FNIP1: variants seen among roughly 807,000 people sequenced by gnomAD.
The protein encoded by FNIP1 is folliculin-interacting protein 1.
A neutral mutation model predicts 124.5 loss-of-function variants in FNIP1; 40 were observed. The ratio of observed to expected loss-of-function variants is 0.32; its 90% confidence interval spans 0.25 to 0.42. The LOEUF (loss-of-function observed/expected upper bound fraction) is 0.42, where lower values mean the gene tolerates loss of function less well. Among genes scored for constraint, FNIP1 ranks in the 10% least tolerant of loss-of-function variants. The pLI is 1.00. For synonymous variants in FNIP1, 472 were observed against 470.6 expected (o/e 1.00, Z -0.04); for missense variants, 1,176 against 1,403.7 (o/e 0.84, Z 2.59).
In FNIP1 at chr5:131,643,908, G is replaced by C. The variant is rs1766790147; in HGVS notation, c.*777C>G. On this transcript the variant is annotated 3_prime_UTR_variant, in exon 18 of 18. Transcript: ENST00000510461. ...AACAGTTCATACTTATAAACAAATG[G>C]TATAAAGTAGTATTCTCATTTTGGG... 1 of 152,206 alleles carries C rather than the reference G, an allele frequency of 6.6e-6. No homozygotes were observed. Among genetic ancestry groups the C allele is most frequent in the Admixed American group, 6.6e-5 (1 of 15,234 alleles). The allele number at this position is 152,206 out of a possible 1,614,324, so 9.4% of individuals were successfully genotyped here. A position where few individuals can be genotyped will look rare whatever the true frequency, so the allele number is the denominator to read the frequency against.
chr5:131,649,523 T>A (rs1241302480), intron 16 of FNIP1, among the ~76,000 whole-genome samples: 3 of 152,160 alleles, frequency 2.0e-5, no homozygotes, highest in African/African-American at 7.2e-5. Context: ...TCCTGTTGAG[T>A]TGTAGGAGTT....
At chr5:131,657,414 A>T (rs1038435410) in intron 15 of FNIP1, among the ~76,000 whole-genome samples, 1 of 152,114 alleles carries the variant, frequency 6.6e-6, no homozygotes, top group Non-Finnish European at 1.5e-5. Flanking sequence ...TGAGTTTAAC[A>T]CTGCAAGTGT....
intron 3 of FNIP1, among the ~76,000 whole-genome samples, chr5:131,723,873 C>T (rs1046402982): frequency 6.6e-6 from 1 of 151,780 alleles, no homozygotes; most frequent in Non-Finnish European, 1.5e-5. Context: ...CCCCCACCCC[C>T]CAATAGGTCC....
chr5:131,769,329 T>C (rs1771548598), intron 1 of FNIP1, among the ~76,000 whole-genome samples: 5 of 152,208 alleles, frequency 3.3e-5, no homozygotes, highest in African/African-American at 1.2e-4. Flanking sequence ...GTATCTAAAA[T>C]CTTGGCATTT....
intron 15 of FNIP1, 55 bp from the exon 16 acceptor site, chr5:131,652,054 A>G: frequency 2.0e-6 from 3 of 1,528,850 alleles, no homozygotes; most frequent in Non-Finnish European, 2.7e-6. Flanking sequence ...TTCCAAAGAT[A>G]ATGGTAATTC....
rs147623863 is a variant in FNIP1, at chr5:131,660,748, T to C, written c.3109-8749A>G. Among the ~76,000 whole-genome samples the C allele has an allele frequency of 3.6e-3, 543 of 152,260 alleles. 4 individuals carry two copies. The highest frequency in any genetic ancestry group is 0.013 in the African/African-American group (525 of 41,534). The stretch of plus-strand genomic sequence containing the variant: ...GAAGAACCCCTGGGCAGTTACAAAT[T>C]TGGGGGCTCATCTGGGATCACCCTT... On this transcript the variant is annotated intron_variant, in intron 15 of 17. Coordinates refer to ENST00000510461, the MANE Select transcript of FNIP1 (RefSeq NM_133372.3).
At chr5:131,742,480 A>T (rs1325037388) in intron 2 of FNIP1, among the ~76,000 whole-genome samples, 2 of 152,194 alleles carry the variant, frequency 1.3e-5, no homozygotes, top group Non-Finnish European at 2.9e-5. Context: ...CAAACAGACA[A>T]CAAAAAACCC....
chr5:131,674,387 C>A (rs1767852483), intron 13 of FNIP1, among the ~76,000 whole-genome samples: 1 of 152,186 alleles, frequency 6.6e-6, no homozygotes, highest in Admixed American at 6.5e-5. Flanking sequence ...TTATGCTATA[C>A]TTCAAATTAA....
chr5:131,685,437 C>T (rs956775622), intron 11 of FNIP1, among the ~76,000 whole-genome samples: 10 of 146,050 alleles, frequency 6.8e-5, no homozygotes, highest in Non-Finnish European at 1.2e-4. Context: ...GGAAGCAAAA[C>T]CCTTAAGAAT....
At chr5:131,652,290 T>C (rs1462218516) in intron 15 of FNIP1, among the ~76,000 whole-genome samples, 3 of 152,260 alleles carry the variant, frequency 2.0e-5, no homozygotes, top group Admixed American at 2.0e-4. Context: ...GACAAATGTA[T>C]TAAGTGTCTA....
chr5:131,774,555 C>A (rs1338687904), intron 1 of FNIP1, among the ~76,000 whole-genome samples: 1 of 152,126 alleles, frequency 6.6e-6, no homozygotes, highest in African/African-American at 2.4e-5. Flanking sequence ...CACAAAGGTT[C>A]TCTGTTATTA....
intron 15 of FNIP1, 67 bp from the exon 16 acceptor site, chr5:131,652,066 G>C (rs1767055285): frequency 1.4e-6 from 2 of 1,448,588 alleles, no homozygotes; most frequent in Non-Finnish European, 1.9e-6. Context: ...TGGTAATTCA[G>C]CAATGAAGGT....
intron 3 of FNIP1, among the ~76,000 whole-genome samples, chr5:131,726,295 T>C (rs981265406): frequency 2.0e-5 from 3 of 152,212 alleles, no homozygotes; most frequent in African/African-American, 7.2e-5. Context: ...GTACCTCTGG[T>C]AGAATTTGGC....
At chr5:131,683,123 A>G (rs1443985450) in intron 11 of FNIP1, among the ~76,000 whole-genome samples, 6 of 152,182 alleles carry the variant, frequency 3.9e-5, no homozygotes, top group Non-Finnish European at 5.9e-5. Flanking sequence ...AGATTATGTC[A>G]TTGTTAATTT....
chr5:131,703,214 A>G (rs1768960487), intron 10 of FNIP1, among the ~76,000 whole-genome samples: 1 of 152,226 alleles, frequency 6.6e-6, no homozygotes. Flanking sequence ...TTTTCAAAAT[A>G]TATCTAGAAT....
intron 11 of FNIP1, among the ~76,000 whole-genome samples, chr5:131,695,104 CAAATAAATAAATAAATAAATAAAT>C (rs72306515): frequency 8.0e-5 from 11 of 137,852 alleles, no homozygotes; most frequent in Middle Eastern, 3.6e-3. Flanking sequence ...GACACTGTCT[CAAATAAATAAATAAATAAATAAAT>C]AAATAAATAA....
chr5:131,684,936 A>G (rs1768223309), intron 11 of FNIP1, among the ~76,000 whole-genome samples: 1 of 152,232 alleles, frequency 6.6e-6, no homozygotes. Flanking sequence ...CTCAGAAAGA[A>G]TCCTGAAGGA....
chr5:131,733,881 T>A, intron 2 of FNIP1, among the ~76,000 whole-genome samples: 1 of 152,214 alleles, frequency 6.6e-6, no homozygotes, highest in Non-Finnish European at 1.5e-5. Flanking sequence ...TTTCTATTGA[T>A]TGGAATAGTT....
chr5:131,723,942 T>A (rs1056126046), intron 3 of FNIP1, among the ~76,000 whole-genome samples: 3 of 151,636 alleles, frequency 2.0e-5, no homozygotes, highest in South Asian at 2.1e-4. Flanking sequence ...CTCCCACTTA[T>A]GAGTGAGAAC....
Sources: gnomAD v4.1 joint callset for allele counts (sites outside exome capture counted in the v4.1 genomes callset) on GRCh38, gnomAD v4.1.1 for gene constraint, MANE v1.5 for transcripts, NCBI Gene and HGNC (gene_info 2026-07-23, HGNC 2026-07-21) for gene names.